The following TNFAIP8 variants were observed in gnomAD, a reference collection of about 807,000 sequenced individuals.
The protein encoded by TNFAIP8 is TNF alpha induced protein 8.
Under a neutral mutation model 13.3 loss-of-function variants are expected in TNFAIP8, and 7 were observed. The observed-to-expected ratio is 0.52, with a 90% CI of 0.30 to 0.99. The LOEUF is 0.99. Among genes scored for constraint, TNFAIP8 ranks in the 50% least tolerant of loss-of-function variants. TNFAIP8 has a pLI of 0.07. For synonymous variants in TNFAIP8, 94 were observed against 87.6 expected (o/e 1.07, Z -0.41); for missense variants, 258 against 236.9 (o/e 1.09, Z -0.58).
intron 1 of TNFAIP8, among the ~76,000 whole-genome samples, chr5:119,289,074 AG>A (rs1379867550): frequency 6.6e-6 from 1 of 152,218 alleles, no homozygotes; most frequent in Non-Finnish European, 1.5e-5. Context: ...CATCATGCAG[AG>A]TCATTAATAC....
At chr5:119,342,440 T>G (rs1158704622) in intron 1 of TNFAIP8, among the ~76,000 whole-genome samples, 1 of 152,262 alleles carries the variant, frequency 6.6e-6, no homozygotes, top group Non-Finnish European at 1.5e-5. Context: ...GTATTTGGTG[T>G]TGGCCAATGG....
intron 1 of TNFAIP8, among the ~76,000 whole-genome samples, chr5:119,321,340 G>C (rs149396521): frequency 8.9e-4 from 135 of 152,238 alleles, no homozygotes; most frequent in African/African-American, 3.2e-3. Flanking sequence ...TTTTGTTACT[G>C]GGTATACCAG....
At chr5:119,299,961 A>C (rs1368743556) in intron 1 of TNFAIP8, among the ~76,000 whole-genome samples, 5 of 152,204 alleles carry the variant, frequency 3.3e-5, no homozygotes, top group African/African-American at 4.8e-5. Flanking sequence ...GGCCCGTCGG[A>C]AAAGCGCAGT....
intron 1 of TNFAIP8, among the ~76,000 whole-genome samples, chr5:119,303,547 C>T (rs1581587508): frequency 6.6e-6 from 1 of 152,244 alleles, no homozygotes; most frequent in East Asian, 1.9e-4. Flanking sequence ...CTTCCCTTAT[C>T]ATTTGGGTAG....
At chr5:119,343,270 T>C (rs991675348) in intron 1 of TNFAIP8, among the ~76,000 whole-genome samples, 1 of 152,234 alleles carries the variant, frequency 6.6e-6, no homozygotes, top group Non-Finnish European at 1.5e-5. Flanking sequence ...TCGAAGGAAG[T>C]GCGTCCATTC....
chr5:119,312,199 G>A (rs938625421), intron 1 of TNFAIP8, among the ~76,000 whole-genome samples: 4 of 152,130 alleles, frequency 2.6e-5, no homozygotes, highest in African/African-American at 9.7e-5. Flanking sequence ...GGATTGGGGA[G>A]GAGTCTGGTT....
chr5:119,290,653 G>A (rs1748954043), intron 1 of TNFAIP8, among the ~76,000 whole-genome samples: 1 of 152,156 alleles, frequency 6.6e-6, no homozygotes, highest in African/African-American at 2.4e-5. Context: ...ATCAGGAGGT[G>A]GGAATCATTG....
chr5:119,375,747 T>A (rs1752254279), intron 1 of TNFAIP8, among the ~76,000 whole-genome samples: 1 of 152,164 alleles, frequency 6.6e-6, no homozygotes, highest in Non-Finnish European at 1.5e-5. Flanking sequence ...TAATTTTAAG[T>A]TTGCCGATTT....
Position 119,356,094 on chromosome 5 carries a change from C to T in TNFAIP8, c.4C>T (p.His2Tyr), listed in dbSNP as rs1233891875. 3 of 1,586,102 alleles carry T rather than the reference C, an allele frequency of 1.9e-6. No homozygotes were observed. The highest frequency in any genetic ancestry group is 2.3e-5 in the East Asian group (1 of 43,452). ...TGCAGCTGGTTATCCTGACATTATG[C>T]ACTCCGAAGCAGAAGAATCCAAGGA... MHSEAEESKEVA... is the reference protein window; with the variant it reads MYSEAEESKEVA... The change falls in exon 1 of 2, where the codon CAC becomes TAC. Residue 2 changes from histidine (H) to tyrosine (Y), a missense_variant. His to Tyr is a moderately conservative substitution (Grantham distance 83). Coordinates refer to ENST00000504771, the MANE Select transcript of TNFAIP8 (RefSeq NM_014350.4).
intron 1 of TNFAIP8, among the ~76,000 whole-genome samples, chr5:119,332,188 A>G (rs1307234906): frequency 6.6e-6 from 1 of 152,214 alleles, no homozygotes; most frequent in Non-Finnish European, 1.5e-5. Context: ...TCCTTCCCAA[A>G]TTAGTATTGG....
intron 1 of TNFAIP8, among the ~76,000 whole-genome samples, chr5:119,375,022 C>T (rs1191595521): frequency 1.3e-5 from 2 of 152,008 alleles, no homozygotes; most frequent in Admixed American, 1.3e-4. Context: ...TTTTAAAATG[C>T]TTACAGTGGT....
At chr5:119,337,227 T>C (rs1415981762) in intron 1 of TNFAIP8, among the ~76,000 whole-genome samples, 1 of 152,268 alleles carries the variant, frequency 6.6e-6, no homozygotes, top group Non-Finnish European at 1.5e-5. Flanking sequence ...ATATGAGATT[T>C]ACCTCATCAT....
chr5:119,275,714 T>G (rs528028058), intron 1 of TNFAIP8, among the ~76,000 whole-genome samples: 1 of 152,322 alleles, frequency 6.6e-6, no homozygotes, highest in East Asian at 1.9e-4. Context: ...TTTTTCTGAA[T>G]TTTAGTCAGT....
At chr5:119,291,123 A>C (rs1204574103) in intron 1 of TNFAIP8, among the ~76,000 whole-genome samples, 1 of 152,198 alleles carries the variant, frequency 6.6e-6, no homozygotes, top group Non-Finnish European at 1.5e-5. Flanking sequence ...TAATTTCTAA[A>C]ATTGTGTAAC....
At position 119,371,403 on chromosome 5, in the gene TNFAIP8, A is replaced by G. The variant is rs146695530; in HGVS notation, c.31+15282A>G. 4.3e-3 allele frequency among the ~76,000 whole-genome samples: 661 copies of G among 152,292 alleles called. 8 individuals carry two copies. Among genetic ancestry groups the G allele is most frequent in the African/African-American group, 0.015 (604 of 41,556 alleles). On this transcript the variant is annotated intron_variant, in intron 1 of 1. Coordinates refer to ENST00000504771, the MANE Select transcript of TNFAIP8 (RefSeq NM_014350.4). Reference sequence around the variant, plus strand: ...CTTCATTCCAAAACCAAAAAAAAACATTAAAGATGAATGCTGAAAATGTGA... The same window carrying G: ...CTTCATTCCAAAACCAAAAAAAAACGTTAAAGATGAATGCTGAAAATGTGA...
intron 1 of TNFAIP8, among the ~76,000 whole-genome samples, chr5:119,392,112 A>G (rs1407250444): frequency 2.6e-5 from 4 of 152,240 alleles, no homozygotes; most frequent in Non-Finnish European, 2.9e-5. Flanking sequence ...AGCAAGTGAC[A>G]ATGAGCTCTC....
chr5:119,353,225 C>G (rs1315476240), upstream of TNFAIP8, among the ~76,000 whole-genome samples: 1 of 152,188 alleles, frequency 6.6e-6, no homozygotes, highest in Non-Finnish European at 1.5e-5. Flanking sequence ...CAGGAGATAA[C>G]AAATCATTAT....
chr5:119,393,091 A>C lies in TNFAIP8; in HGVS notation c.307A>C (p.Lys103Gln). 1 of 1,613,968 alleles carries C rather than the reference A, an allele frequency of 6.2e-7. No homozygotes were observed. The highest frequency in any genetic ancestry group is 1.1e-5 in the South Asian group (1 of 91,086). ...TGAGCTAGCATTGATGGAGAAATTT[A>C]AGAAGAAAGTTCATCAGCTTGCTAT... ...QDELALMEKF[K>Q]KKVHQLAMTV... is the part of the protein sequence containing the mutation. Residue 103 changes from lysine to glutamine, a missense_variant, in exon 2 of 2, where the codon AAG becomes CAG. Transcript: ENST00000504771.
chr5:119,374,228 A>G (rs1324361558), intron 1 of TNFAIP8, among the ~76,000 whole-genome samples: 1 of 152,096 alleles, frequency 6.6e-6, no homozygotes, highest in Admixed American at 6.6e-5. Context: ...TTTGCATTAT[A>G]CTTACTGGTT....
Sources: gnomAD v4.1 joint callset for allele counts (sites outside exome capture counted in the v4.1 genomes callset) on GRCh38, gnomAD v4.1.1 for gene constraint, MANE v1.5 for transcripts, NCBI Gene and HGNC (gene_info 2026-07-23, HGNC 2026-07-21) for gene names.